The following OSBPL10 variants were observed in gnomAD, a reference collection of about 807,000 sequenced individuals.
OSBPL10 encodes the protein oxysterol-binding protein-related protein 10.
A neutral mutation model predicts 81.7 loss-of-function variants in OSBPL10; 49 were observed. That is an observed-to-expected ratio of 0.60 (90% CI 0.48 to 0.76). The LOEUF (loss-of-function observed/expected upper bound fraction) is 0.76, where lower values mean the gene tolerates loss of function less well. Ranked by LOEUF, OSBPL10 falls within the 30% of genes least tolerant of loss-of-function variation. The probability of loss-of-function intolerance (pLI) is 0.00; values close to 1 mark genes in which losing one functional copy is unlikely to be tolerated. For missense variants in OSBPL10, 923 were observed against 987.8 expected (o/e 0.93, Z 0.88); for synonymous variants, 419 against 383.6 (o/e 1.09, Z -1.08).
chr3:32,074,345 C>A (rs974651121), intron 1 of OSBPL10, among the ~76,000 whole-genome samples: 3 of 152,118 alleles, frequency 2.0e-5, no homozygotes, highest in Non-Finnish European at 4.4e-5. Context: ...TCCCTGTTGC[C>A]ACTCCTTTAT....
At chr3:31,867,311 A>C (rs1701203551) in intron 3 of OSBPL10, among the ~76,000 whole-genome samples, 1 of 152,184 alleles carries the variant, frequency 6.6e-6, no homozygotes, top group Non-Finnish European at 1.5e-5. Context: ...AAATACATCT[A>C]CATATATCTA....
Position 31,841,009 on chromosome 3 carries a change from A to G in OSBPL10, c.538-10778T>C, listed in dbSNP as rs115593011. Reference sequence around the variant, plus strand: ...CCACAACCTCCGCCTCCTAGGTTCAAGCGATTTTCTTGCCTCAGCCTCCCC... The same window carrying G: ...CCACAACCTCCGCCTCCTAGGTTCAGGCGATTTTCTTGCCTCAGCCTCCCC... On this transcript the variant is annotated intron_variant, in intron 3 of 11. Transcript: ENST00000396556. Among the ~76,000 whole-genome samples the G allele has an allele frequency of 1.6e-3, 239 of 152,322 alleles. 1 individual carries two copies. The highest frequency in any genetic ancestry group is 2.2e-3 in the Non-Finnish European group (150 of 68,026).
chr3:31,788,196 G>A (rs535271813), intron 4 of OSBPL10, among the ~76,000 whole-genome samples: 3 of 152,276 alleles, frequency 2.0e-5, no homozygotes, highest in African/African-American at 7.2e-5. Context: ...CCCTGGCAGG[G>A]TTACAAGAAA....
chr3:32,044,177 G>T (rs1338921507), intron 2 of OSBPL10, among the ~76,000 whole-genome samples: 1 of 152,014 alleles, frequency 6.6e-6, no homozygotes, highest in Non-Finnish European at 1.5e-5. Flanking sequence ...CTTCTGCAAT[G>T]TTATAATCAC....
chr3:31,976,793 T>G (rs984231119), intron 1 of OSBPL10, among the ~76,000 whole-genome samples: 7 of 152,142 alleles, frequency 4.6e-5, no homozygotes, highest in Non-Finnish European at 1.0e-4. Flanking sequence ...TTGTTGTCAT[T>G]CAGCATTTTA....
intron 1 of OSBPL10, among the ~76,000 whole-genome samples, chr3:31,926,581 T>C (rs1439150861): frequency 6.6e-6 from 1 of 152,150 alleles, no homozygotes. Context: ...GCCATAAGCA[T>C]ATTCAGAAAG....
chr3:31,996,043 T>C (rs1330060555), intron 2 of OSBPL10, among the ~76,000 whole-genome samples: 1 of 152,184 alleles, frequency 6.6e-6, no homozygotes, highest in Non-Finnish European at 1.5e-5. Context: ...AGGGTCACAC[T>C]GTGAGCTGGA....
At chr3:31,876,813 T>C (rs1433716994) in intron 2 of OSBPL10, among the ~76,000 whole-genome samples, 2 of 152,238 alleles carry the variant, frequency 1.3e-5, no homozygotes, top group South Asian at 2.1e-4. Flanking sequence ...ATTTCTATAA[T>C]ACTTATTTAA....
At chr3:32,061,823 G>A (rs1699755067) in intron 1 of OSBPL10, among the ~76,000 whole-genome samples, 1 of 91,658 alleles carries the variant, frequency 1.1e-5, no homozygotes, top group African/African-American at 2.8e-5. Context: ...ATTTTTTATA[G>A]AGCCAGAGTC....
intron 2 of OSBPL10, among the ~76,000 whole-genome samples, chr3:31,999,655 C>T (rs1237262946): frequency 1.3e-5 from 2 of 152,062 alleles, no homozygotes; most frequent in Non-Finnish European, 2.9e-5. Context: ...GCCACCGTGC[C>T]CGGCCTCAAA....
intron 2 of OSBPL10, chr3:31,989,258 T>C: frequency 1.2e-6 from 2 of 1,614,208 alleles, no homozygotes; most frequent in South Asian, 1.1e-5. Context: ...TACAGGAACC[T>C]GCATTCTGTG....
intron 7 of OSBPL10, among the ~76,000 whole-genome samples, chr3:31,692,117 A>G (rs1480910721): frequency 6.6e-6 from 1 of 152,192 alleles, no homozygotes; most frequent in African/African-American, 2.4e-5. Flanking sequence ...ATAGAAAGAT[A>G]TCTGTTGAAG....
chr3:31,995,935 C>T (rs1431480039), intron 2 of OSBPL10, among the ~76,000 whole-genome samples: 1 of 152,226 alleles, frequency 6.6e-6, no homozygotes, highest in Admixed American at 6.5e-5. Flanking sequence ...TGATTTGCCA[C>T]CTGACAAAAT....
intron 3 of OSBPL10, among the ~76,000 whole-genome samples, chr3:31,843,996 A>G (rs1189418400): frequency 6.6e-6 from 1 of 152,188 alleles, no homozygotes; most frequent in Non-Finnish European, 1.5e-5. Context: ...GGGGATACAT[A>G]ACTAAGATCT....
chr3:31,715,880 TCGACG>T (rs1256296741), intron 6 of OSBPL10, among the ~76,000 whole-genome samples: 1 of 152,186 alleles, frequency 6.6e-6, no homozygotes, highest in Non-Finnish European at 1.5e-5. Flanking sequence ...GAGACTAAAG[TCGACG>T]GTACCACATC....
intron 10 of OSBPL10, among the ~76,000 whole-genome samples, chr3:31,665,012 C>T (rs1377984600): frequency 6.6e-6 from 1 of 151,870 alleles, no homozygotes; most frequent in Non-Finnish European, 1.5e-5. Context: ...ATGAAATGAG[C>T]AAAATAAAAG....
intron 7 of OSBPL10, among the ~76,000 whole-genome samples, chr3:31,695,604 G>A (rs547192269): frequency 5.9e-5 from 9 of 152,272 alleles, no homozygotes; most frequent in African/African-American, 2.2e-4. Context: ...GTTTAATCCA[G>A]CCCCTCACAT....
At chr3:32,063,638 T>G (rs1336716289) in intron 1 of OSBPL10, among the ~76,000 whole-genome samples, 1 of 91,968 alleles carries the variant, frequency 1.1e-5, no homozygotes, top group Non-Finnish European at 2.9e-5. Flanking sequence ...AATCCCTATA[T>G]GTGAAGGGAG....
intron 3 of OSBPL10, 139 bp downstream of exon 3, chr3:31,876,294 A>T (rs1260730600): frequency 1.5e-6 from 1 of 683,676 alleles, no homozygotes; most frequent in Non-Finnish European, 2.5e-6. Flanking sequence ...ATTTATGTGC[A>T]GCAGGACAAG....
Sources: allele counts gnomAD v4.1 joint callset (sites outside exome capture counted in the v4.1 genomes callset), GRCh38; gene constraint gnomAD v4.1.1; transcripts MANE v1.5; gene names NCBI Gene and HGNC (gene_info 2026-07-23, HGNC 2026-07-21).